Variants in ARPP19 observed in about 807,000 individuals in gnomAD.
ARPP19 encodes cAMP-regulated phosphoprotein 19.
In ARPP19, 8 loss-of-function variants were observed where a neutral mutation model predicts 12.0. That is an observed-to-expected ratio of 0.67 (90% CI 0.39 to 1.21). ARPP19 has a LOEUF of 1.21. Among genes scored for constraint, ARPP19 ranks in the 50% most tolerant of loss-of-function variants. ARPP19 has a pLI of 0.01. For synonymous variants in ARPP19, 47 were observed against 50.4 expected, an observed-to-expected ratio of 0.93 and a Z score of 0.29; for missense variants, 102 against 136.3, an observed-to-expected ratio of 0.75 and a Z score of 1.25.
chr15:52,558,102 T>C (rs1326938220), intron 1 of ARPP19, among the ~76,000 whole-genome samples: 1 of 152,168 alleles, frequency 6.6e-6, no homozygotes, highest in African/African-American at 2.4e-5. Flanking sequence ...CAAAGTGCTA[T>C]ATTTAATAGG....
chr15:52,566,984 A>G (rs2078089226), intron 1 of ARPP19, among the ~76,000 whole-genome samples: 1 of 152,184 alleles, frequency 6.6e-6, no homozygotes, highest in Non-Finnish European at 1.5e-5. Context: ...TTTTAGCTGA[A>G]TACTTTGGCT....
rs1453115837 is a variant in ARPP19, at chr15:52,549,893, A to T, written c.*2041T>A. The T allele has an allele frequency of 6.6e-6, 1 of 152,670 alleles. No homozygotes were observed. Among genetic ancestry groups the T allele is most frequent in the Non-Finnish European group, 1.5e-5 (1 of 68,036 alleles). The allele number at this position is 152,670 out of a possible 1,614,324, so 9.5% of individuals were successfully genotyped here. A position where few individuals can be genotyped will look rare whatever the true frequency, so the allele number is the denominator to read the frequency against. On this transcript the variant is annotated 3_prime_UTR_variant, in exon 3 of 3. Transcript: ENST00000249822. ...TATATATAACTGATCTTTACATTAC[A>T]AATGACCACAGCAGTGACTGTGTTG...
intron 2 of ARPP19, among the ~76,000 whole-genome samples, chr15:52,553,397 C>T (rs2077953732): frequency 6.6e-6 from 1 of 152,020 alleles, no homozygotes; most frequent in South Asian, 2.1e-4. Flanking sequence ...GAGAGCTAAA[C>T]ATCAACCTTA....
chr15:52,562,274 C>T (rs1035849434), intron 1 of ARPP19, among the ~76,000 whole-genome samples: 2 of 152,120 alleles, frequency 1.3e-5, no homozygotes, highest in African/African-American at 4.8e-5. Context: ...AATGGAAAAA[C>T]TGACTAATAC....
rs1314467842 is a variant in ARPP19, at chr15:52,559,853, C to CT, written c.46-2632dup. Among the ~76,000 whole-genome samples the CT allele has an allele frequency of 3.3e-5, 5 of 152,296 alleles. No homozygotes were observed. The East Asian group carries it at 5.8e-4, about 18-fold the overall frequency. ...CTCTTGGGTTTCCCTGCACAGCTGG[C>CT]TTCAAATAATTTTGGCTGAAAAGGA... On this transcript the variant is annotated intron_variant, in intron 1 of 2. Coordinates refer to ENST00000249822, the MANE Select transcript of ARPP19 (RefSeq NM_006628.6).
intron 1 of ARPP19, among the ~76,000 whole-genome samples, chr15:52,558,221 G>A (rs1446212740): frequency 2.6e-5 from 4 of 152,152 alleles, no homozygotes; most frequent in Non-Finnish European, 5.9e-5. Flanking sequence ...GGAGCTGTGG[G>A]CGGATTGCTT....
At position 52,547,193 on chromosome 15, in the gene ARPP19, G is replaced by GA. The variant is rs2077884752; in HGVS notation, c.*4740dup. The GA allele has an allele frequency of 1.3e-5, 2 of 150,708 alleles. No homozygotes were observed. Among genetic ancestry groups the GA allele is most frequent in the Admixed American group, 1.3e-4 (2 of 15,124 alleles). 9.3% of individuals were successfully genotyped at this position (150,708 alleles called of 1,614,324 possible). A position where few individuals can be genotyped will look rare whatever the true frequency, so the allele number is the denominator to read the frequency against. On this transcript the variant is annotated 3_prime_UTR_variant, in exon 3 of 3. Transcript: ENST00000249822. ...AGATCAACTTCAGAAAAAATACACT[G>GA]AAAAACATACCACTTTAATAAGACA... is the stretch of plus-strand genomic sequence containing the variant.
intron 1 of ARPP19, chr15:52,557,425 T>A (rs1004890181): frequency 9.5e-6 from 5 of 523,788 alleles, no homozygotes; most frequent in Admixed American, 6.8e-5. Flanking sequence ...ATAGCTGTGA[T>A]GCATGTGTAA....
Position 52,550,850 on chromosome 15 carries a change from G to C in ARPP19, c.*1084C>G, listed in dbSNP as rs1360621544. The C allele has an allele frequency of 2.6e-5, 4 of 152,600 alleles. No homozygotes were observed. Among genetic ancestry groups the C allele is most frequent in the African/African-American group, 9.7e-5 (4 of 41,442 alleles). The allele number at this position is 152,600 out of a possible 1,614,324, so 9.5% of individuals were successfully genotyped here. A position where few individuals can be genotyped will look rare whatever the true frequency, so the allele number is the denominator to read the frequency against. ...CCAAAACTGAGTGTGGAAGTAAAAA[G>C]TTTCTACATTTAAAAAGTTTATATA... On this transcript the variant is annotated 3_prime_UTR_variant, in exon 3 of 3. Transcript: ENST00000249822.
rs2077897427 is a variant in ARPP19, at chr15:52,548,317, T to A, written c.*3617A>T. On this transcript the variant is annotated 3_prime_UTR_variant, in exon 3 of 3. Transcript: ENST00000249822. ...GCCTGGCCAACATGGTGAAACCCCATCTCTACTAAAAGTACAAAAATTGGC... is the reference window on the plus strand; with the variant it reads ...GCCTGGCCAACATGGTGAAACCCCAACTCTACTAAAAGTACAAAAATTGGC... 6.6e-6 allele frequency: 1 copy of A among 151,958 alleles called. No homozygotes were observed. Among genetic ancestry groups the A allele is most frequent in the African/African-American group, 2.4e-5 (1 of 41,360 alleles). The allele number at this position is 151,958 out of a possible 1,614,324, so 9.4% of individuals were successfully genotyped here. A position where few individuals can be genotyped will look rare whatever the true frequency, so the allele number is the denominator to read the frequency against.
In ARPP19 at chr15:52,550,035, G is replaced by C. The variant is rs999754377; in HGVS notation, c.*1899C>G. On this transcript the variant is annotated 3_prime_UTR_variant, in exon 3 of 3. Transcript: ENST00000249822. ...TGAGGCACCATTGACTATGATTTGG[G>C]GTCATAGGAGAGCAGGTATACTGAT... 1.3e-5 allele frequency: 2 copies of C among 152,532 alleles called. No homozygotes were observed. Among genetic ancestry groups the C allele is most frequent in the African/African-American group, 4.8e-5 (2 of 41,414 alleles). The allele number at this position is 152,532 out of a possible 1,614,324, so 9.4% of individuals were successfully genotyped here.
intron 1 of ARPP19, among the ~76,000 whole-genome samples, chr15:52,558,957 TC>T (rs1197407143): frequency 3.9e-5 from 6 of 152,058 alleles, no homozygotes; most frequent in African/African-American, 1.4e-4. Flanking sequence ...CACCACCACA[TC>T]CAGCTCTCAT....
chr15:52,552,377 CTGGCCA>C (rs1566894055), intron 2 of ARPP19, among the ~76,000 whole-genome samples: 2 of 151,646 alleles, frequency 1.3e-5, no homozygotes, highest in African/African-American at 4.8e-5. Flanking sequence ...CCAGGCCAGC[CTGGCCA>C]ATATGGCGAA....
chr15:52,558,482 A>AAAAAAAAAAAAAAAG (rs559673591), intron 1 of ARPP19, among the ~76,000 whole-genome samples: 2 of 148,974 alleles, frequency 1.3e-5, no homozygotes, highest in Non-Finnish European at 3.0e-5. Context: ...AAAAAAAAAA[A>AAAAAAAAAAAAAAAG]AAAGAAAGAA....
Position 52,551,765 on chromosome 15 carries a change from A to G in ARPP19, c.*169T>C. 1 of 601,934 alleles carries G rather than the reference A, an allele frequency of 1.7e-6. No homozygotes were observed. The highest frequency in any genetic ancestry group is 2.9e-6 in the Non-Finnish European group (1 of 339,348). 37.3% of individuals were successfully genotyped at this position (601,934 alleles called of 1,614,324 possible). ...CTCTTCACCAGTGCACTGTTAAACT[A>G]ATCAAAAACTCTACACACGTATATT... is the stretch of plus-strand genomic sequence containing the variant. On this transcript the variant is annotated 3_prime_UTR_variant, in exon 3 of 3. Coordinates refer to ENST00000249822, the MANE Select transcript of ARPP19 (RefSeq NM_006628.6).
chr15:52,556,486 A>G (rs890492449), intron 2 of ARPP19, among the ~76,000 whole-genome samples: 1 of 152,190 alleles, frequency 6.6e-6, no homozygotes. Context: ...TAATATCTTC[A>G]GTAATTTGAA....
intron 1 of ARPP19, among the ~76,000 whole-genome samples, chr15:52,565,921 C>G (rs935117412): frequency 5.9e-5 from 9 of 152,180 alleles, no homozygotes; most frequent in Non-Finnish European, 1.2e-4. Context: ...GTGGCACGAT[C>G]TCGGCTAACT....
In ARPP19 at chr15:52,550,575, C is replaced by T. The variant is rs2077920177; in HGVS notation, c.*1359G>A. ...AAGGTTGCAGTGAGCTGTGATTGCA[C>T]TACTGCACTAGAGCTCAGGTGACAG... is the stretch of plus-strand genomic sequence containing the variant. On this transcript the variant is annotated 3_prime_UTR_variant, in exon 3 of 3. Coordinates refer to ENST00000249822, the MANE Select transcript of ARPP19 (RefSeq NM_006628.6). 1 of 151,896 alleles carries T rather than the reference C, an allele frequency of 6.6e-6. No individual in the cohort carries two copies. Among genetic ancestry groups the T allele is most frequent in the African/African-American group, 2.4e-5 (1 of 41,336 alleles). The allele number at this position is 151,896 out of a possible 1,614,324, so 9.4% of individuals were successfully genotyped here.
rs2141716386 is a variant in ARPP19, at chr15:52,550,075, GAA to G, written c.*1857_*1858del. 6.6e-6 allele frequency: 1 copy of G among 152,628 alleles called. No individual in the cohort carries two copies. The highest frequency in any genetic ancestry group is 2.1e-4 in the South Asian group (1 of 4,820). The allele number at this position is 152,628 out of a possible 1,614,324, so 9.5% of individuals were successfully genotyped here. Reference sequence around the variant, plus strand: ...GGTATACTGATGGAACCAGGATTCAGAAAAGATGCCTGGATCCAAAAACGGGA... The same window carrying G: ...GGTATACTGATGGAACCAGGATTCAGAAGATGCCTGGATCCAAAAACGGGA... On this transcript the variant is annotated 3_prime_UTR_variant, in exon 3 of 3. Transcript: ENST00000249822.
Sources: allele counts gnomAD v4.1 joint callset (sites outside exome capture counted in the v4.1 genomes callset), GRCh38; gene constraint gnomAD v4.1.1; transcripts MANE v1.5; gene names NCBI Gene and HGNC (gene_info 2026-07-23, HGNC 2026-07-21).